The following DPP6 variants were observed in gnomAD, a reference collection of about 807,000 sequenced individuals.
DPP6 encodes the protein dipeptidyl peptidase like 6.
Under a neutral mutation model 122.6 loss-of-function variants are expected in DPP6, and 69 were observed. The observed-to-expected ratio is 0.56, with a 90% CI of 0.46 to 0.69. The LOEUF (loss-of-function observed/expected upper bound fraction) is 0.69. DPP6 is among the 30% of genes least tolerant of loss of function. DPP6 has a pLI of 0.00. For synonymous variants in DPP6, 418 were observed against 433.1 expected, an observed-to-expected ratio of 0.97 and a Z score of 0.43; for missense variants, 928 against 1,116.9, an observed-to-expected ratio of 0.83 and a Z score of 2.41.
At chr7:154,293,107 T>C (rs1164521262) in intron 1 of DPP6, among the ~76,000 whole-genome samples, 2 of 152,220 alleles carry the variant, frequency 1.3e-5, no homozygotes, top group Non-Finnish European at 2.9e-5. Context: ...TAGGAAATAC[T>C]CTTTTTTTAA....
chr7:154,830,087 A>G (rs1172726813), intron 16 of DPP6, among the ~76,000 whole-genome samples: 1 of 152,176 alleles, frequency 6.6e-6, no homozygotes, highest in Non-Finnish European at 1.5e-5. Flanking sequence ...CAGCTTTGTA[A>G]GTATATCCTG....
At chr7:153,925,597 T>A (rs6464374) in intron 1 of DPP6, among the ~76,000 whole-genome samples, 143,764 of 151,676 alleles carry the variant, frequency 0.95, 68,115 homozygotes, top group East Asian at 1. Flanking sequence ...GTTCTGATAA[T>A]GGGAGATCAT....
At chr7:153,991,267 A>T (rs1469950758) in intron 1 of DPP6, among the ~76,000 whole-genome samples, 3 of 150,960 alleles carry the variant, frequency 2.0e-5, no homozygotes, top group East Asian at 3.9e-4. Context: ...TCAAATATTA[A>T]AAAAAAAATA....
At chr7:153,831,788 T>G in the DPP6 span, among the ~76,000 whole-genome samples, 4 of 152,290 alleles carry the variant, frequency 2.6e-5, no homozygotes, top group East Asian at 7.7e-4. Context: ...ATGAGGCGAT[T>G]GTTTGCAGAC....
chr7:154,730,806 A>C (rs2131375478), intron 8 of DPP6, among the ~76,000 whole-genome samples: 1 of 152,352 alleles, frequency 6.6e-6, no homozygotes. Context: ...CTCCCTCAAA[A>C]ATCCATAACC....
rs143673160 is a variant in DPP6, at chr7:154,586,188, G to T, written c.627+19272G>T. Among the ~76,000 whole-genome samples, 643 of 152,220 alleles carry T rather than the reference G, an allele frequency of 4.2e-3. 6 individuals are homozygous for T. The highest frequency in any genetic ancestry group is 0.014 in the African/African-American group (592 of 41,520). ...AGTAGAGGCTGATGCCACGTGACCA[G>T]GTGAGGTGTCTTGTTGAGACCGGGC... On this transcript the variant is annotated intron_variant, in intron 5 of 25. Coordinates refer to ENST00000377770, the MANE Select transcript of DPP6 (RefSeq NM_130797.4).
intron 13 of DPP6, among the ~76,000 whole-genome samples, chr7:154,803,259 A>G (rs987213325): frequency 3.3e-5 from 5 of 152,200 alleles, no homozygotes; most frequent in African/African-American, 9.7e-5. Flanking sequence ...TCCCGCCTAG[A>G]TGGCCCTGTC....
At chr7:153,762,226 T>C in the DPP6 span, among the ~76,000 whole-genome samples, 1 of 152,178 alleles carries the variant, frequency 6.6e-6, no homozygotes, top group East Asian at 1.9e-4. Context: ...AGATTCTAAT[T>C]CCCTGCAATA....
intron 1 of DPP6, among the ~76,000 whole-genome samples, chr7:153,961,688 T>C (rs1013161777): frequency 6.6e-6 from 1 of 150,844 alleles, no homozygotes; most frequent in Non-Finnish European, 1.5e-5. Flanking sequence ...TAATATAGAA[T>C]CAGTGGGAGC....
At chr7:153,950,381 A>G (rs1359310739) in intron 1 of DPP6, among the ~76,000 whole-genome samples, 1 of 152,098 alleles carries the variant, frequency 6.6e-6, no homozygotes, top group Non-Finnish European at 1.5e-5. Flanking sequence ...CTGGACTAGG[A>G]ATTGGAAGCC....
chr7:154,740,871 G>A (rs975940340), intron 8 of DPP6, among the ~76,000 whole-genome samples: 12 of 152,064 alleles, frequency 7.9e-5, no homozygotes, highest in Admixed American at 6.5e-4. Flanking sequence ...TTATCCCCAC[G>A]TGAAACCTAT....
chr7:154,452,734 C>A (rs1172009579), intron 2 of DPP6, among the ~76,000 whole-genome samples: 1 of 152,154 alleles, frequency 6.6e-6, no homozygotes, highest in Non-Finnish European at 1.5e-5. Flanking sequence ...GTGGAGTGCC[C>A]TCCTGATGAC....
rs1586893664 is a variant in DPP6, at chr7:154,688,896, C to T, written c.762+19455C>T. Among the ~76,000 whole-genome samples the T allele has an allele frequency of 3.9e-5, 6 of 152,280 alleles. No individual in the cohort carries two copies. The East Asian group carries it at 1.2e-3, about 29-fold the overall frequency. Reference sequence around the variant, plus strand: ...AATCAAGTTGACACTCAGTATTAACCATCACAGCTGGTTAATAGAATTGCA... The same window carrying T: ...AATCAAGTTGACACTCAGTATTAACTATCACAGCTGGTTAATAGAATTGCA... On this transcript the variant is annotated intron_variant, in intron 7 of 25. Transcript: ENST00000377770.
At chr7:154,005,399 C>T (rs538036788) in intron 1 of DPP6, among the ~76,000 whole-genome samples, 1 of 151,980 alleles carries the variant, frequency 6.6e-6, no homozygotes, top group Non-Finnish European at 1.5e-5. Flanking sequence ...AGAGAAAGGT[C>T]GAACGCTTGG....
intron 1 of DPP6, among the ~76,000 whole-genome samples, chr7:153,956,976 G>T (rs534079801): frequency 1.3e-5 from 2 of 152,132 alleles, no homozygotes; most frequent in Non-Finnish European, 2.9e-5. Context: ...ACCCAGATAT[G>T]TTCTTAGTTG....
chr7:154,611,855 ATGTGTG>A (rs545017220), intron 5 of DPP6, among the ~76,000 whole-genome samples: 1 of 72,350 alleles, frequency 1.4e-5, no homozygotes, highest in Non-Finnish European at 3.5e-5. Flanking sequence ...GCTTTCATAT[ATGTGTG>A]TGTGTGTGTG....
the DPP6 span, among the ~76,000 whole-genome samples, chr7:153,754,909 T>A: frequency 2.0e-5 from 3 of 152,028 alleles, no homozygotes; most frequent in African/African-American, 4.8e-5. Context: ...TTTTTTTTTT[T>A]AATTCACCGT....
chr7:154,623,718 A>G (rs1834886520), intron 5 of DPP6, among the ~76,000 whole-genome samples: 2 of 152,214 alleles, frequency 1.3e-5, no homozygotes, highest in Admixed American at 6.5e-5. Flanking sequence ...ACAACAACAG[A>G]AAACAATTTA....
intron 7 of DPP6, among the ~76,000 whole-genome samples, chr7:154,712,844 A>G (rs1488702453): frequency 6.6e-6 from 1 of 152,210 alleles, no homozygotes. Context: ...CCCCTCCCAA[A>G]TCTCATGTCC....
Sources: gnomAD v4.1 joint callset for allele counts (sites outside exome capture counted in the v4.1 genomes callset) on GRCh38, gnomAD v4.1.1 for gene constraint, MANE v1.5 for transcripts, NCBI Gene and HGNC (gene_info 2026-07-23, HGNC 2026-07-21) for gene names.